The following LMBR1 variants were observed in gnomAD, a reference collection of about 807,000 sequenced individuals.
The protein encoded by LMBR1 is limb region 1 protein homolog.
In LMBR1, 52 loss-of-function variants were observed where a neutral mutation model predicts 73.9. The ratio of observed to expected loss-of-function variants is 0.70; its 90% confidence interval spans 0.56 to 0.89. The LOEUF is 0.89. Among genes scored for constraint, LMBR1 ranks in the 40% least tolerant of loss-of-function variants. LMBR1 has a pLI of 0.00. For missense variants in LMBR1, 539 were observed against 579.8 expected, an observed-to-expected ratio of 0.93 and a Z score of 0.72; for synonymous variants, 215 against 209.4, an observed-to-expected ratio of 1.03 and a Z score of -0.23.
At chr7:156,700,276 G>A (rs188954321) in intron 15 of LMBR1, among the ~76,000 whole-genome samples, 5,240 of 152,154 alleles carry the variant, frequency 0.034, 135 homozygotes, top group Non-Finnish European at 0.044. Flanking sequence ...ATCATTCTCA[G>A]CAAACTATTG....
chr7:156,849,014 C>T lies in LMBR1; in HGVS notation c.67-12129G>A, dbSNP rs141822019. On this transcript the variant is annotated intron_variant, in intron 1 of 16. Transcript: ENST00000353442. ...GCAATCCAATTATTGGCTACAGACC[C>T]GAAGGAATATAAATCATTCTACCGT... 5.9e-3 allele frequency among the ~76,000 whole-genome samples: 895 copies of T among 151,926 alleles called. 35 individuals are homozygous for T. Among genetic ancestry groups the T allele is most frequent in the Admixed American group, 0.053 (812 of 15,252 alleles).
intron 5 of LMBR1, chr7:156,779,729 C>A (rs1826787948): frequency 1.6e-6 from 2 of 1,284,174 alleles, no homozygotes; most frequent in African/African-American, 3.0e-5. Flanking sequence ...GACATCTTGC[C>A]CTCCTGTAAG....
At chr7:156,673,906 T>TAAAAAA (rs3030984), downstream of LMBR1, among the ~76,000 whole-genome samples, 406 of 100,836 alleles carry the variant, frequency 4.0e-3, 2 homozygotes, top group African/African-American at 0.017. Context: ...TCCACATTAA[T>TAAAAAA]AAAAAAAAAA....
intron 4 of LMBR1, among the ~76,000 whole-genome samples, chr7:156,812,620 C>T (rs1833279568): frequency 6.6e-6 from 1 of 152,144 alleles, no homozygotes; most frequent in African/African-American, 2.4e-5. Flanking sequence ...ATGAGGAAGG[C>T]AACACTGTGA....
chr7:156,726,485 CTAT>C (rs1193389323), intron 12 of LMBR1, among the ~76,000 whole-genome samples: 3 of 151,708 alleles, frequency 2.0e-5, no homozygotes, highest in African/African-American at 7.3e-5. Context: ...AAAAAAGTTA[CTAT>C]TTTTATAATT....
chr7:156,863,995 C>CA lies in LMBR1; in HGVS notation c.67-27111dup, dbSNP rs202073027. ...TGAAACCTCATCTCTACTAAAAATA[C>CA]AAAAAAAAATTAGCCAGCTGTGGTG... On this transcript the variant is annotated intron_variant, in intron 1 of 16. Coordinates refer to ENST00000353442, the MANE Select transcript of LMBR1 (RefSeq NM_022458.4). Among the ~76,000 whole-genome samples, 161 of 150,632 alleles carry CA rather than the reference C, an allele frequency of 1.1e-3. 2 individuals are homozygous for CA. The highest frequency in any genetic ancestry group is 3.6e-3 in the African/African-American group (150 of 41,102).
intron 1 of LMBR1, among the ~76,000 whole-genome samples, chr7:156,842,402 T>G (rs1469446755): frequency 1.4e-5 from 2 of 140,500 alleles, no homozygotes; most frequent in African/African-American, 5.0e-5. Context: ...ATGTGCGTTA[T>G]ATTATTTTTT....
intron 1 of LMBR1, among the ~76,000 whole-genome samples, chr7:156,883,600 T>C (rs1287874936): frequency 6.6e-6 from 1 of 152,214 alleles, no homozygotes; most frequent in Non-Finnish European, 1.5e-5. Flanking sequence ...ACTTTGTGAC[T>C]TAAAACAACA....
At chr7:156,860,988 A>C (rs1488296954) in intron 1 of LMBR1, among the ~76,000 whole-genome samples, 1 of 152,216 alleles carries the variant, frequency 6.6e-6, no homozygotes, top group Non-Finnish European at 1.5e-5. Flanking sequence ...GCAAGCTGTC[A>C]GTGGACGTAC....
chr7:156,882,758 C>T (rs1196926207), intron 1 of LMBR1, among the ~76,000 whole-genome samples: 1 of 152,182 alleles, frequency 6.6e-6, no homozygotes, highest in Non-Finnish European at 1.5e-5. Flanking sequence ...AGGGGCTGGG[C>T]GCAGTGGCTC....
chr7:156,845,222 T>C (rs1333822856), intron 1 of LMBR1, among the ~76,000 whole-genome samples: 1 of 151,954 alleles, frequency 6.6e-6, no homozygotes, highest in Non-Finnish European at 1.5e-5. Flanking sequence ...AATAACAAAA[T>C]CCTGAGAGAG....
chr7:156,809,052 T>C (rs562424621), intron 4 of LMBR1, among the ~76,000 whole-genome samples: 3 of 152,322 alleles, frequency 2.0e-5, no homozygotes, highest in Non-Finnish European at 2.9e-5. Flanking sequence ...AAACACAGGA[T>C]TTTTAAAAAG....
At chr7:156,711,161 T>C (rs1172296645) in intron 15 of LMBR1, among the ~76,000 whole-genome samples, 4 of 151,988 alleles carry the variant, frequency 2.6e-5, no homozygotes, top group African/African-American at 9.7e-5. Flanking sequence ...ATACAAAAAA[T>C]TAGCTGTGTG....
At chr7:156,711,820 C>G (rs555595267) in intron 15 of LMBR1, among the ~76,000 whole-genome samples, 1 of 151,962 alleles carries the variant, frequency 6.6e-6, no homozygotes, top group Non-Finnish European at 1.5e-5. Context: ...GAAACTGGAC[C>G]CCTATCTCTC....
At chr7:156,710,339 A>G (rs1390410519) in intron 15 of LMBR1, among the ~76,000 whole-genome samples, 2 of 152,220 alleles carry the variant, frequency 1.3e-5, no homozygotes, top group African/African-American at 4.8e-5. Context: ...AAGCAATCAC[A>G]ACTTCTGGAA....
intron 4 of LMBR1, among the ~76,000 whole-genome samples, chr7:156,814,239 A>G (rs1833550347): frequency 2.0e-5 from 3 of 152,180 alleles, no homozygotes; most frequent in African/African-American, 7.2e-5. Flanking sequence ...CATACTTAAC[A>G]TTCTGGGTGA....
chr7:156,831,467 G>A (rs1246889825), intron 3 of LMBR1, among the ~76,000 whole-genome samples: 1 of 151,940 alleles, frequency 6.6e-6, no homozygotes, highest in Non-Finnish European at 1.5e-5. Flanking sequence ...TTCTACCACA[G>A]CAAAAGACAA....
intron 4 of LMBR1, among the ~76,000 whole-genome samples, chr7:156,798,759 G>A (rs191889704): frequency 1.2e-4 from 18 of 152,128 alleles, no homozygotes; most frequent in Admixed American, 7.9e-4. Context: ...TTATTTAGGC[G>A]TGGTGAAAAA....
intron 1 of LMBR1, among the ~76,000 whole-genome samples, chr7:156,867,239 T>G (rs1387748779): frequency 6.6e-6 from 1 of 152,180 alleles, no homozygotes; most frequent in Non-Finnish European, 1.5e-5. Context: ...CCCACTAGAA[T>G]GGCTATAATC....
Sources: allele counts gnomAD v4.1 joint callset (sites outside exome capture counted in the v4.1 genomes callset), GRCh38; gene constraint gnomAD v4.1.1; transcripts MANE v1.5; gene names NCBI Gene and HGNC (gene_info 2026-07-23, HGNC 2026-07-21).